DAPL1: variants seen among roughly 807,000 people sequenced by gnomAD.
DAPL1 encodes the protein death associated protein like 1, also known as death-associated protein-like 1.
DAPL1 carries 17 observed loss-of-function variants against 12.9 expected under a neutral mutation model. The observed-to-expected ratio is 1.32, with a 90% CI of 0.90 to 1.98. The LOEUF (loss-of-function observed/expected upper bound fraction) is 1.98. Among genes scored for constraint, DAPL1 ranks in the 30% most tolerant of loss-of-function variants. The pLI is 0.00. For missense variants in DAPL1, 157 were observed against 125.7 expected, an observed-to-expected ratio of 1.25 and a Z score of -1.19; for synonymous variants, 51 against 42.0, an observed-to-expected ratio of 1.21 and a Z score of -0.82.
At chr2:158,811,120 T>C (rs1003904308) in intron 3 of DAPL1, among the ~76,000 whole-genome samples, 2 of 152,118 alleles carry the variant, frequency 1.3e-5, no homozygotes, top group Non-Finnish European at 2.9e-5. Flanking sequence ...GAGGGGGAAA[T>C]GCTGAAGCCT....
At chr2:158,809,251 A>G in intron 3 of DAPL1, among the ~76,000 whole-genome samples, 1 of 150,646 alleles carries the variant, frequency 6.6e-6, no homozygotes, top group South Asian at 2.1e-4. Flanking sequence ...CCAGCTACTC[A>G]GGAGGCTGAG....
At chr2:158,806,321 C>T (rs1039338133) in intron 2 of DAPL1, among the ~76,000 whole-genome samples, 1 of 122,352 alleles carries the variant, frequency 8.2e-6, no homozygotes, top group African/African-American at 2.7e-5. Flanking sequence ...TACAAAATAA[C>T]TTGGCCTGAG....
chr2:158,804,108 A>G (rs897910779), intron 1 of DAPL1, among the ~76,000 whole-genome samples, 174 bp from the exon 2 acceptor site: 3 of 144,174 alleles, frequency 2.1e-5, no homozygotes, highest in Non-Finnish European at 4.5e-5. Flanking sequence ...CTCCACCCAC[A>G]CCTGGTTTGC....
intron 1 of DAPL1, 35 bp downstream of exon 1, chr2:158,795,465 T>A: frequency 6.5e-7 from 1 of 1,546,168 alleles, no homozygotes; most frequent in Non-Finnish European, 8.8e-7. Flanking sequence ...CTGCAGGCTG[T>A]TGCTGCTCCC....
intron 1 of DAPL1, among the ~76,000 whole-genome samples, chr2:158,801,613 G>A (rs1204690661): frequency 6.6e-6 from 1 of 152,054 alleles, no homozygotes; most frequent in Admixed American, 6.6e-5. Flanking sequence ...AGCAGATAAT[G>A]TATAAAGATA....
chr2:158,809,727 A>G (rs2059220972), intron 3 of DAPL1, among the ~76,000 whole-genome samples: 1 of 152,242 alleles, frequency 6.6e-6, no homozygotes, highest in Admixed American at 6.5e-5. Flanking sequence ...CCAGGCCTGC[A>G]TCCTGCCTTC....
At chr2:158,795,516 G>A in intron 1 of DAPL1, 86 bp downstream of exon 1, 1 of 1,300,738 alleles carries the variant, frequency 7.7e-7, no homozygotes, top group Non-Finnish European at 1.1e-6. Flanking sequence ...CCGACAGACG[G>A]AAGCTTCTCT....
At chr2:158,809,357 CAA>C (rs10526986) in intron 3 of DAPL1, among the ~76,000 whole-genome samples, 2 of 69,528 alleles carry the variant, frequency 2.9e-5, no homozygotes, top group African/African-American at 5.4e-5. Flanking sequence ...GACTCCATCT[CAA>C]AAAAAAAAAG....
At chr2:158,802,715 A>G (rs1228272415) in intron 1 of DAPL1, among the ~76,000 whole-genome samples, 1 of 152,224 alleles carries the variant, frequency 6.6e-6, no homozygotes, top group Non-Finnish European at 1.5e-5. Flanking sequence ...CTTTCTGAGG[A>G]CACCCTACTC....
At position 158,804,352 on chromosome 2, in the gene DAPL1, A is replaced by G; in HGVS notation, c.129A>G (p.Thr43=). The G allele has an allele frequency of 6.2e-7, 1 of 1,610,350 alleles. No homozygotes were observed. The highest frequency in any genetic ancestry group is 8.5e-7 in the Non-Finnish European group (1 of 1,177,996). ...CCTTGGAAAGACATACCAAAAAAAC[A>G]GGATTCGAGAAAACAAGGTAGGGAC... The part of the protein sequence containing the change: ...IGTLERHTKK[T]GFEKTSAIAN... Residue 43 remains threonine, a synonymous_variant, in exon 2 of 4, where the codon ACA becomes ACG. Coordinates refer to ENST00000309950, the MANE Select transcript of DAPL1 (RefSeq NM_001017920.3).
intron 3 of DAPL1, among the ~76,000 whole-genome samples, chr2:158,813,409 A>G (rs1359824899): frequency 2.0e-5 from 3 of 152,238 alleles, no homozygotes; most frequent in Non-Finnish European, 2.9e-5. Context: ...TGTTTTGTAT[A>G]TCTTAGCACA....
At chr2:158,813,850 C>T (rs139318156) in intron 3 of DAPL1, among the ~76,000 whole-genome samples, 2,813 of 152,208 alleles carry the variant, frequency 0.018, 88 homozygotes, top group African/African-American at 0.06. Flanking sequence ...CCACCGAGCC[C>T]GGCCTCCTTT....
Position 158,812,554 on chromosome 2 carries a change from G to A in DAPL1, c.208-3151G>A, listed in dbSNP as rs943789352. Among the ~76,000 whole-genome samples the A allele has an allele frequency of 2.6e-5, 4 of 152,266 alleles. No homozygotes were observed. In the South Asian group the frequency reaches 6.2e-4, roughly 24 times the overall value. ...CATAACTAGAATCCTAGCACTTTGGGAGGCCAAGGCAGGAGAATTGCTTGA... is the reference window on the plus strand; with the variant it reads ...CATAACTAGAATCCTAGCACTTTGGAAGGCCAAGGCAGGAGAATTGCTTGA... On this transcript the variant is annotated intron_variant, in intron 3 of 3. Coordinates refer to ENST00000309950, the MANE Select transcript of DAPL1 (RefSeq NM_001017920.3).
chr2:158,810,912 C>T (rs539752899), intron 3 of DAPL1, among the ~76,000 whole-genome samples: 22 of 152,188 alleles, frequency 1.4e-4, no homozygotes, highest in Non-Finnish European at 1.0e-4. Flanking sequence ...TTAGATGTCA[C>T]GTAACTCCTC....
chr2:158,801,723 A>G (rs2059169048), intron 1 of DAPL1, among the ~76,000 whole-genome samples: 1 of 152,190 alleles, frequency 6.6e-6, no homozygotes, highest in Non-Finnish European at 1.5e-5. Flanking sequence ...ATGGTTGAAT[A>G]GTAAAACAAC....
chr2:158,803,646 C>T (rs542410752), intron 1 of DAPL1, among the ~76,000 whole-genome samples: 1 of 152,328 alleles, frequency 6.6e-6, no homozygotes, highest in Admixed American at 6.5e-5. Context: ...GCCTAATTAA[C>T]ACTAATTGAT....
At chr2:158,809,669 T>C (rs1265081531) in intron 3 of DAPL1, among the ~76,000 whole-genome samples, 2 of 152,192 alleles carry the variant, frequency 1.3e-5, no homozygotes, top group East Asian at 3.8e-4. Flanking sequence ...ACATAATACA[T>C]GCGCAGTGCT....
At chr2:158,795,846 A>T (rs1027643175) in intron 1 of DAPL1, among the ~76,000 whole-genome samples, 1 of 152,188 alleles carries the variant, frequency 6.6e-6, no homozygotes, top group African/African-American at 2.4e-5. Flanking sequence ...AGTCTCCCCA[A>T]GATGCCTGTG....
In DAPL1 at chr2:158,797,178, A is replaced by C. The variant is rs144568604; in HGVS notation, c.58+1748A>C. 3.4e-3 allele frequency among the ~76,000 whole-genome samples: 521 copies of C among 152,352 alleles called. 5 individuals carry two copies. The highest frequency in any genetic ancestry group is 0.012 in the African/African-American group (489 of 41,572). On this transcript the variant is annotated intron_variant, in intron 1 of 3. Transcript: ENST00000309950. The stretch of plus-strand genomic sequence containing the variant: ...ACATACATAGCCTTTGGAATCAGAC[A>C]GACCTGGGTTTGAACCTCAACTTCA...
Sources: gnomAD v4.1 joint callset for allele counts (sites outside exome capture counted in the v4.1 genomes callset) on GRCh38, gnomAD v4.1.1 for gene constraint, MANE v1.5 for transcripts, NCBI Gene and HGNC (gene_info 2026-07-23, HGNC 2026-07-21) for gene names.